USH2A: variants seen among roughly 807,000 people sequenced by gnomAD.
USH2A encodes the protein usherin.
Under a neutral mutation model 538.9 loss-of-function variants are expected in USH2A, and 443 were observed. The ratio of observed to expected loss-of-function variants is 0.82; its 90% CI spans 0.76 to 0.89. The LOEUF (loss-of-function observed/expected upper bound fraction) is 0.89. USH2A is among the 40% of genes least tolerant of loss of function. The pLI is 0.00. For missense variants in USH2A, 6,633 were observed against 6,324.8 expected, an observed-to-expected ratio of 1.05 and a Z score of -1.65; for synonymous variants, 2,413 against 2,273.5, an observed-to-expected ratio of 1.06 and a Z score of -1.75.
intron 21 of USH2A, among the ~76,000 whole-genome samples, chr1:216,133,403 CT>C (rs1418020446): frequency 6.6e-6 from 1 of 152,000 alleles, no homozygotes; most frequent in Non-Finnish European, 1.5e-5. Context: ...GATAGCTGAA[CT>C]TGGTGTGCTT....
intron 13 of USH2A, among the ~76,000 whole-genome samples, chr1:216,234,083 G>A (rs759231447): frequency 6.6e-6 from 1 of 152,152 alleles, no homozygotes; most frequent in Non-Finnish European, 1.5e-5. Flanking sequence ...TTGAAAGAAG[G>A]AGAGCATGAG....
At chr1:215,633,639 C>G (rs779477548) in intron 70 of USH2A, among the ~76,000 whole-genome samples, 1 of 152,054 alleles carries the variant, frequency 6.6e-6, no homozygotes, top group Non-Finnish European at 1.5e-5. Flanking sequence ...TAATATAGAA[C>G]CTTAGTGCAA....
At chr1:215,883,413 C>T (rs192533540) in intron 41 of USH2A, among the ~76,000 whole-genome samples, 2 of 151,550 alleles carry the variant, frequency 1.3e-5, no homozygotes, top group Admixed American at 1.3e-4. Context: ...CAGATTGTTT[C>T]TAGCTACATA....
rs745721026 is a variant in USH2A at position 215,674,545 on chromosome 1, CT to C, written c.13365del (p.Gly4456AlafsTer5). The C allele has an allele frequency of 6.2e-7, 1 of 1,614,000 alleles. No individual in the cohort carries two copies. On this transcript the variant is annotated frameshift_variant, in exon 63 of 72. Coordinates refer to ENST00000307340, the MANE Select transcript of USH2A (RefSeq NM_206933.4). LOFTEE classifies it high-confidence loss of function. ...ENMDSPTLQV[T>X]GSESIEITWK... ...CAGGTGATTTCTATTGATTCTGAGC[CT>C]GTGACTTGCAATGTTGGAGAGTCCA...
intron 11 of USH2A, among the ~76,000 whole-genome samples, chr1:216,285,297 C>T (rs1460322786): frequency 2.6e-5 from 4 of 152,204 alleles, no homozygotes; most frequent in African/African-American, 9.6e-5. Context: ...CCAGCTATGG[C>T]TAAAAGGGAT....
chr1:216,321,999 C>A (rs763135838), intron 8 of USH2A, 23 bp from the exon 9 acceptor site: 3 of 1,611,226 alleles, frequency 1.9e-6, no homozygotes, highest in Non-Finnish European at 2.5e-6. Flanking sequence ...GCATCACACA[C>A]TCCTAAGGAA....
At chr1:216,323,349 A>C (rs2102652695) in intron 8 of USH2A, 125 bp downstream of exon 8, 1 of 822,154 alleles carries the variant, frequency 1.2e-6, no homozygotes, top group African/African-American at 1.7e-5. Flanking sequence ...TTCCCCTAAA[A>C]TCTTAGAGTA....
At chr1:216,261,689 G>T (rs1236222296) in intron 11 of USH2A, among the ~76,000 whole-genome samples, 2 of 152,018 alleles carry the variant, frequency 1.3e-5, no homozygotes, top group African/African-American at 4.8e-5. Flanking sequence ...ATGTGCCTAT[G>T]CCCCTAAACT....
At chr1:216,166,567 G>A (rs1183446360) in intron 21 of USH2A, among the ~76,000 whole-genome samples, 11 of 152,114 alleles carry the variant, frequency 7.2e-5, no homozygotes, top group Admixed American at 7.2e-4. Flanking sequence ...AGGCAGTAGC[G>A]TAGGACCAGC....
intron 3 of USH2A, among the ~76,000 whole-genome samples, chr1:216,414,625 C>G (rs1196873611): frequency 6.6e-6 from 1 of 151,928 alleles, no homozygotes; most frequent in Non-Finnish European, 1.5e-5. Flanking sequence ...AATTTTATGC[C>G]ACCAGGTATA....
intron 32 of USH2A, among the ~76,000 whole-genome samples, chr1:216,015,458 C>G (rs992065421): frequency 2.0e-5 from 3 of 152,196 alleles, no homozygotes; most frequent in African/African-American, 7.2e-5. Context: ...CATCCTTGCT[C>G]TCCTTTTCCT....
At position 216,249,719 on chromosome 1, in the gene USH2A, A is replaced by C. The variant is rs141673543; in HGVS notation, c.2167+1184T>G. 3.8e-3 allele frequency among the ~76,000 whole-genome samples: 572 copies of C among 152,244 alleles called. 6 individuals are homozygous for C. Among genetic ancestry groups the C allele is most frequent in the African/African-American group, 0.011 (448 of 41,542 alleles). ...AAACACACCTACATTCTCTTTATTA[A>C]ATTGAAACGCTTGTCTAGCTGAATT... On this transcript the variant is annotated intron_variant, in intron 12 of 71. Coordinates refer to ENST00000307340, the MANE Select transcript of USH2A (RefSeq NM_206933.4).
rs1558049114 is a variant in USH2A, at chr1:215,675,536, G to A, written c.12375C>T (p.Phe4125=). The A allele has an allele frequency of 4.3e-6, 7 of 1,613,900 alleles. No individual in the cohort carries two copies. In the South Asian group the frequency reaches 7.7e-5, roughly 18 times the overall value. The change falls in exon 63 of 72, where the codon TTC becomes TTT. Residue 4125 remains phenylalanine (F), a synonymous_variant. Coordinates refer to ENST00000307340, the MANE Select transcript of USH2A (RefSeq NM_206933.4). ...CCTCCAGGGTCAGTGTGTAGAGAGT[G>A]AAAGGATCCAGGCGGCGGAAGAGAA... ...RQFLFRRLDP[F]TLYTLTLEAC... is the part of the protein sequence containing the mutation.
chr1:215,639,270 G>T, intron 68 of USH2A, 32 bp from the exon 69 acceptor site: 1 of 1,606,422 alleles, frequency 6.2e-7, no homozygotes, highest in Non-Finnish European at 8.5e-7. Context: ...TAAATGACTT[G>T]TTCATTCAAC....
intron 21 of USH2A, among the ~76,000 whole-genome samples, chr1:216,115,038 G>A (rs193056897): frequency 6.6e-6 from 1 of 151,924 alleles, no homozygotes; most frequent in Non-Finnish European, 1.5e-5. Context: ...GTAGATATAG[G>A]CATCTATGTA....
chr1:215,718,524 C>T (rs973784659), intron 61 of USH2A, among the ~76,000 whole-genome samples: 3 of 152,170 alleles, frequency 2.0e-5, no homozygotes, highest in Non-Finnish European at 4.4e-5. Flanking sequence ...ACTCACCTGC[C>T]GATGATCACA....
intron 21 of USH2A, among the ~76,000 whole-genome samples, chr1:216,137,275 A>T (rs1260716698): frequency 6.6e-6 from 1 of 152,130 alleles, no homozygotes; most frequent in African/African-American, 2.4e-5. Context: ...TGATAAAGAC[A>T]TACCCAAAAC....
intron 22 of USH2A, among the ~76,000 whole-genome samples, chr1:216,093,019 G>A (rs957241900): frequency 2.6e-5 from 4 of 151,860 alleles, no homozygotes; most frequent in Non-Finnish European, 4.4e-5. Flanking sequence ...AGGTTGGAGT[G>A]CAGTGGCTCA....
chr1:215,723,354 C>CCCACTGCCAGTTCTCCAT (rs1558070033), intron 61 of USH2A, among the ~76,000 whole-genome samples: 2 of 152,138 alleles, frequency 1.3e-5, no homozygotes, highest in Admixed American at 1.3e-4. Context: ...ACGGAGGGCC[C>CCCACTGCCAGTTCTCCAT]CCACTGCCAG....
Sources: allele counts gnomAD v4.1 joint callset (sites outside exome capture counted in the v4.1 genomes callset), GRCh38; gene constraint gnomAD v4.1.1; transcripts MANE v1.5; gene names NCBI Gene and HGNC (gene_info 2026-07-23, HGNC 2026-07-21).